The following JARID2 variants were observed in gnomAD, a reference collection of about 807,000 sequenced individuals.
JARID2 encodes protein Jumonji.
Under a neutral mutation model 125.6 loss-of-function variants are expected in JARID2, and 21 were observed. The observed-to-expected ratio is 0.17, with a 90% CI of 0.12 to 0.24. The LOEUF is 0.24. Ranked by LOEUF, JARID2 falls within the 10% of genes least tolerant of loss-of-function variation. The probability of loss-of-function intolerance (pLI) is 1.00; values close to 1 mark genes in which losing one functional copy is unlikely to be tolerated. For synonymous variants in JARID2, 736 were observed against 661.6 expected (o/e 1.11, Z -1.73); for missense variants, 1,303 against 1,639.6 (o/e 0.79, Z 3.55).
At chr6:15,334,267 A>C (rs1762808491) in intron 1 of JARID2, among the ~76,000 whole-genome samples, 1 of 152,202 alleles carries the variant, frequency 6.6e-6, no homozygotes, top group East Asian at 1.9e-4. Context: ...ATGGAATAAA[A>C]TTTGACCTTG....
Position 15,347,199 on chromosome 6 carries a change from G to A in JARID2, c.46-26918G>A, listed in dbSNP as rs141931946. 2.2e-4 allele frequency among the ~76,000 whole-genome samples: 33 copies of A among 152,308 alleles called. No homozygotes were observed. In the East Asian group the frequency reaches 4.6e-3, roughly 21 times the overall value. ...TTTAAGTAGTTGGGTTGAGAATTTA[G>A]CTATAATTTATGGGCAGAATGAGGA... On this transcript the variant is annotated intron_variant, in intron 1 of 17. Transcript: ENST00000341776.
At chr6:15,322,753 T>C (rs1762401536) in intron 1 of JARID2, among the ~76,000 whole-genome samples, 1 of 152,160 alleles carries the variant, frequency 6.6e-6, no homozygotes, top group South Asian at 2.1e-4. Flanking sequence ...TGATGTTTTG[T>C]ATGAGAAGTT....
chr6:15,311,809 A>G (rs867921888), intron 1 of JARID2, among the ~76,000 whole-genome samples: 29 of 152,000 alleles, frequency 1.9e-4, no homozygotes, highest in African/African-American at 6.8e-4. Context: ...AAGCCCCAAA[A>G]GGGAGTTTGT....
intron 3 of JARID2, among the ~76,000 whole-genome samples, chr6:15,413,762 C>T (rs899572883): frequency 6.6e-6 from 1 of 152,140 alleles, no homozygotes; most frequent in African/African-American, 2.4e-5. Context: ...AGTCACATGC[C>T]TCCACGCCTG....
chr6:15,248,217 G>A (rs778180360), intron 1 of JARID2: 7 of 371,204 alleles, frequency 1.9e-5, no homozygotes, highest in African/African-American at 2.3e-5. Flanking sequence ...AGCCGGCTGC[G>A]AAAGGGACGG....
intron 1 of JARID2, among the ~76,000 whole-genome samples, chr6:15,285,514 A>T (rs977315596): frequency 1.3e-5 from 2 of 152,228 alleles, no homozygotes; most frequent in African/African-American, 4.8e-5. Flanking sequence ...AAGTAAAGTT[A>T]AACATCTGGT....
intron 1 of JARID2, among the ~76,000 whole-genome samples, chr6:15,300,127 T>A (rs1196866887): frequency 6.6e-6 from 1 of 152,238 alleles, no homozygotes; most frequent in Non-Finnish European, 1.5e-5. Flanking sequence ...TAGGGTGTGC[T>A]TCTTTATCTC....
chr6:15,317,228 G>C (rs1762208383), intron 1 of JARID2, among the ~76,000 whole-genome samples: 1 of 152,098 alleles, frequency 6.6e-6, no homozygotes, highest in African/African-American at 2.4e-5. Flanking sequence ...AAATAGCTCT[G>C]AGGACCAGTT....
chr6:15,507,096 A>G (rs1447045576), intron 9 of JARID2, 40 bp from the exon 10 acceptor site: 1 of 1,309,676 alleles, frequency 7.6e-7, no homozygotes, highest in Non-Finnish European at 1.1e-6. Context: ...TGGCTGCAGC[A>G]CCTTAGGGGT....
At chr6:15,330,426 C>T (rs767813211) in intron 1 of JARID2, among the ~76,000 whole-genome samples, 1 of 152,198 alleles carries the variant, frequency 6.6e-6, no homozygotes, top group East Asian at 1.9e-4. Flanking sequence ...ACAGTGGTCA[C>T]GACCACATTA....
At chr6:15,469,401 T>TTTCCCCC (rs1768954163) in intron 5 of JARID2, among the ~76,000 whole-genome samples, 1 of 64,606 alleles carries the variant, frequency 1.5e-5, no homozygotes. Flanking sequence ...CCTTTCCCCC[T>TTTCCCCC]CTCCCCCTCT....
intron 15 of JARID2, 51 bp downstream of exon 15, chr6:15,513,096 G>A (rs768709974): frequency 2.9e-5 from 46 of 1,610,686 alleles, no homozygotes; most frequent in Middle Eastern, 1.8e-4. Flanking sequence ...GCTGCCCTTC[G>A]GGGGCTCACC....
chr6:15,520,614 G>T lies in JARID2; in HGVS notation c.*363G>T. On this transcript the variant is annotated 3_prime_UTR_variant, in exon 18 of 18. Coordinates refer to ENST00000341776, the MANE Select transcript of JARID2 (RefSeq NM_004973.4). ...GCTTTTTAACCCATTTTTGAAGAGG[G>T]TGAAGTTTGGAGAACAAATTTAAAA... 1 of 276,526 alleles carries T rather than the reference G, an allele frequency of 3.6e-6. No homozygotes were observed. The highest frequency in any genetic ancestry group is 3.1e-5 in the South Asian group (1 of 32,472). 17.1% of individuals were successfully genotyped at this position (276,526 alleles called of 1,614,324 possible).
intron 2 of JARID2, chr6:15,400,732 A>G (rs940988406): frequency 3.4e-6 from 3 of 891,248 alleles, no homozygotes; most frequent in Non-Finnish European, 4.0e-6. Context: ...CCTCCCTTGC[A>G]CATAAATAAC....
At chr6:15,246,691 C>T in intron 1 of JARID2, 107 bp downstream of exon 1, 3 of 962,258 alleles carry the variant, frequency 3.1e-6, no homozygotes, top group Non-Finnish European at 4.9e-6. Flanking sequence ...ACACAGCGTC[C>T]GATAAGGCTG....
intron 1 of JARID2, among the ~76,000 whole-genome samples, chr6:15,365,373 G>A (rs1763937834): frequency 6.6e-6 from 1 of 152,136 alleles, no homozygotes; most frequent in South Asian, 2.1e-4. Context: ...ATGCCGTGTT[G>A]CGTGGTTCTG....
chr6:15,279,793 C>A (rs1177522481), intron 1 of JARID2, among the ~76,000 whole-genome samples: 1 of 152,198 alleles, frequency 6.6e-6, no homozygotes, highest in African/African-American at 2.4e-5. Flanking sequence ...TAGCCCCTAT[C>A]GTCTATGGGA....
intron 1 of JARID2, among the ~76,000 whole-genome samples, chr6:15,371,604 A>G (rs1282255675): frequency 1.3e-5 from 2 of 152,202 alleles, no homozygotes; most frequent in Non-Finnish European, 2.9e-5. Context: ...AGATTAATTC[A>G]GCTATATCAT....
chr6:15,355,768 C>T (rs778232947), intron 1 of JARID2, among the ~76,000 whole-genome samples: 6 of 152,266 alleles, frequency 3.9e-5, no homozygotes, highest in South Asian at 4.1e-4. Context: ...CGTGCCACCA[C>T]GCCTGGCTAA....
Sources: allele counts gnomAD v4.1 joint callset (sites outside exome capture counted in the v4.1 genomes callset), GRCh38; gene constraint gnomAD v4.1.1; transcripts MANE v1.5; gene names NCBI Gene and HGNC (gene_info 2026-07-23, HGNC 2026-07-21).